The following SPPL2A variants were observed in gnomAD, a reference collection of about 807,000 sequenced individuals.
The protein encoded by SPPL2A is signal peptide peptidase like 2A.
In SPPL2A, 51 loss-of-function variants were observed where a neutral mutation model predicts 63.8. The ratio of observed to expected loss-of-function variants is 0.80; its 90% CI spans 0.64 to 1.01. SPPL2A has a LOEUF of 1.01. SPPL2A is among the 50% of genes least tolerant of loss of function. The pLI, the probability that SPPL2A is intolerant of heterozygous loss-of-function variation, is 0.00. For synonymous variants in SPPL2A, 188 were observed against 205.8 expected (o/e 0.91, Z 0.74); for missense variants, 553 against 622.7 (o/e 0.89, Z 1.19).
intron 14 of SPPL2A, among the ~76,000 whole-genome samples, chr15:50,710,659 G>A (rs1248341907): frequency 6.6e-6 from 1 of 152,132 alleles, no homozygotes; most frequent in Non-Finnish European, 1.5e-5. Context: ...GCTTATAATT[G>A]AACCAATCTC....
At chr15:50,729,013 T>G (rs1228563475) in intron 10 of SPPL2A, among the ~76,000 whole-genome samples, 1 of 151,414 alleles carries the variant, frequency 6.6e-6, no homozygotes, top group Non-Finnish European at 1.5e-5. Context: ...GGGGTTTCAC[T>G]ATGTTGGCCA....
rs778522806 is a variant in SPPL2A at position 50,748,677 on chromosome 15, T to G, written c.360+11A>C. 1.3e-6 allele frequency: 2 copies of G among 1,518,542 alleles called. No homozygotes were observed. The highest frequency in any genetic ancestry group is 2.9e-5 in the African/African-American group (2 of 69,944). 94.1% of individuals were successfully genotyped at this position (1,518,542 alleles called of 1,614,324 possible). A position where few individuals can be genotyped will look rare whatever the true frequency, so the allele number is the denominator to read the frequency against. The stretch of plus-strand genomic sequence containing the variant: ...AACTCAAAATAAGATATGATTGTTT[T>G]TATAACTTACTAGGACACTGTTATT... On this transcript the variant is annotated intron_variant, in intron 3 of 14. Transcript: ENST00000261854.
intron 1 of SPPL2A, among the ~76,000 whole-genome samples, chr15:50,754,751 G>A (rs1440480824): frequency 1.3e-5 from 2 of 152,126 alleles, no homozygotes; most frequent in Non-Finnish European, 2.9e-5. Context: ...GGGAGGCCTA[G>A]GTGGGCGGAT....
At chr15:50,759,043 G>A (rs1025931847) in intron 1 of SPPL2A, among the ~76,000 whole-genome samples, 3 of 152,066 alleles carry the variant, frequency 2.0e-5, no homozygotes, top group African/African-American at 7.2e-5. Context: ...TGGGACTACA[G>A]GCATGATCCA....
At chr15:50,738,850 T>C (rs949986350) in intron 6 of SPPL2A, among the ~76,000 whole-genome samples, 2 of 152,182 alleles carry the variant, frequency 1.3e-5, no homozygotes, top group Admixed American at 6.5e-5. Context: ...AGTTACTTTC[T>C]AGACCACAGG....
chr15:50,762,542 A>AT (rs978067071), intron 1 of SPPL2A, among the ~76,000 whole-genome samples: 1 of 152,140 alleles, frequency 6.6e-6, no homozygotes, highest in African/African-American at 2.4e-5. Context: ...GGTCACTCTG[A>AT]TGTGAAGATG....
chr15:50,760,971 G>GA (rs200848140), intron 1 of SPPL2A, among the ~76,000 whole-genome samples: 18 of 150,934 alleles, frequency 1.2e-4, no homozygotes, highest in East Asian at 3.9e-4. Flanking sequence ...ATTCTTTGAA[G>GA]AAAAAAAAAT....
intron 1 of SPPL2A, among the ~76,000 whole-genome samples, chr15:50,752,243 G>T (rs1382122954): frequency 6.6e-6 from 1 of 152,046 alleles, no homozygotes; most frequent in Non-Finnish European, 1.5e-5. Context: ...TGGTTTGTCT[G>T]ATATTCAAAT....
chr15:50,715,757 A>G (rs1291307473), intron 14 of SPPL2A, among the ~76,000 whole-genome samples: 1 of 152,320 alleles, frequency 6.6e-6, no homozygotes, highest in East Asian at 1.9e-4. Context: ...AGGTCTATGT[A>G]AAAATTTTAG....
At chr15:50,764,563 G>C (rs2063041208) in intron 1 of SPPL2A, 1 of 152,098 alleles carries the variant, frequency 6.6e-6, no homozygotes, top group South Asian at 2.1e-4. Flanking sequence ...CATTCTAATA[G>C]AACGAAACAA....
Position 50,707,556 on chromosome 15 carries a change from T to C in SPPL2A, c.*244A>G, listed in dbSNP as rs2062520183. 7.0e-6 allele frequency: 3 copies of C among 430,368 alleles called. No individual in the cohort carries two copies. In the South Asian group the frequency reaches 1.3e-4, roughly 18 times the overall value. The allele number at this position is 430,368 out of a possible 1,614,324, so 26.7% of individuals were successfully genotyped here. A position where few individuals can be genotyped will look rare whatever the true frequency, so the allele number is the denominator to read the frequency against. On this transcript the variant is annotated 3_prime_UTR_variant, in exon 15 of 15. Transcript: ENST00000261854. The stretch of plus-strand genomic sequence containing the variant: ...CATTTTTTTTTAGAAAAATATACTG[T>C]ATATAGTACATCTCGGAAACTACAC...
chr15:50,726,730 T>C (rs1458159078), intron 10 of SPPL2A, among the ~76,000 whole-genome samples: 1 of 152,236 alleles, frequency 6.6e-6, no homozygotes, highest in Non-Finnish European at 1.5e-5. Context: ...AGTTACATTA[T>C]GCCTTATACT....
intron 8 of SPPL2A, among the ~76,000 whole-genome samples, chr15:50,735,422 A>T (rs1000823109): frequency 6.6e-6 from 1 of 151,710 alleles, no homozygotes; most frequent in Non-Finnish European, 1.5e-5. Flanking sequence ...CTGCATATCA[A>T]TTCATAGAGA....
intron 1 of SPPL2A, among the ~76,000 whole-genome samples, chr15:50,764,173 A>C (rs2063037890): frequency 6.6e-6 from 1 of 152,218 alleles, no homozygotes; most frequent in Admixed American, 6.6e-5. Context: ...TCAGCTCAAG[A>C]GATTCAAATG....
At chr15:50,750,180 T>C (rs1045816770) in intron 1 of SPPL2A, among the ~76,000 whole-genome samples, 2 of 152,174 alleles carry the variant, frequency 1.3e-5, no homozygotes, top group East Asian at 1.9e-4. Context: ...CTTGGCTCAC[T>C]GCAACCTCCA....
chr15:50,732,423 G>C (rs920503903), intron 9 of SPPL2A, among the ~76,000 whole-genome samples, 180 bp downstream of exon 9: 1 of 152,124 alleles, frequency 6.6e-6, no homozygotes, highest in Non-Finnish European at 1.5e-5. Context: ...AGAGCTTTTG[G>C]AAGAGATGAG....
Position 50,751,384 on chromosome 15 carries a change from T to C in SPPL2A, c.67-1638A>G, listed in dbSNP as rs543331194. Reference sequence around the variant, plus strand: ...AGTCACTAACGTAACCTACCTAAGGTCATATAGTAAAATCATTTACAGTTC... The same window carrying C: ...AGTCACTAACGTAACCTACCTAAGGCCATATAGTAAAATCATTTACAGTTC... On this transcript the variant is annotated intron_variant, in intron 1 of 14. Transcript: ENST00000261854. Among the ~76,000 whole-genome samples, 20 of 152,286 alleles carry C rather than the reference T, an allele frequency of 1.3e-4. 1 individual carries two copies. The South Asian group carries it at 4.1e-3, about 32-fold the overall frequency.
At chr15:50,745,414 A>T (rs999122639) in intron 5 of SPPL2A, among the ~76,000 whole-genome samples, 2 of 151,954 alleles carry the variant, frequency 1.3e-5, no homozygotes, top group African/African-American at 2.4e-5. Flanking sequence ...GCCTCCAAAG[A>T]GCTGGGATTA....
chr15:50,725,381 C>G, intron 11 of SPPL2A, 58 bp from the exon 12 acceptor site: 1 of 872,934 alleles, frequency 1.1e-6, no homozygotes, highest in East Asian at 2.5e-5. Context: ...ACAGAGGCCG[C>G]CAATGAACTT....
Sources: gnomAD v4.1 joint callset for allele counts (sites outside exome capture counted in the v4.1 genomes callset) on GRCh38, gnomAD v4.1.1 for gene constraint, MANE v1.5 for transcripts, NCBI Gene and HGNC (gene_info 2026-07-23, HGNC 2026-07-21) for gene names.